EXOC3: variants seen among roughly 807,000 people sequenced by gnomAD.
EXOC3 encodes SEC6-like 1.
A neutral mutation model predicts 73.7 loss-of-function variants in EXOC3; 21 were observed. The observed-to-expected ratio is 0.29, with a 90% confidence interval of 0.20 to 0.41. The LOEUF (loss-of-function observed/expected upper bound fraction) is 0.41, where lower values mean the gene tolerates loss of function less well. Ranked by LOEUF, EXOC3 falls within the 10% of genes least tolerant of loss-of-function variation. The probability of loss-of-function intolerance (pLI) is 1.00; values close to 1 mark genes in which losing one functional copy is unlikely to be tolerated. For missense variants in EXOC3, 842 were observed against 985.1 expected, an observed-to-expected ratio of 0.85 and a Z score of 1.95; for synonymous variants, 410 against 389.1, an observed-to-expected ratio of 1.05 and a Z score of -0.63.
At chr5:458,653 T>C (rs544136473) in intron 6 of EXOC3, among the ~76,000 whole-genome samples, 2 of 152,212 alleles carry the variant, frequency 1.3e-5, no homozygotes, top group Non-Finnish European at 2.9e-5. Flanking sequence ...GGATTCACTT[T>C]CCAGTGTCCG....
intron 3 of EXOC3, among the ~76,000 whole-genome samples, chr5:452,115 A>G (rs1737676113): frequency 6.6e-6 from 1 of 152,166 alleles, no homozygotes; most frequent in Non-Finnish European, 1.5e-5. Context: ...TCTTCAAATA[A>G]TGTCTTGCCC....
intron 1 of EXOC3, 35 bp from the exon 2 acceptor site, chr5:446,115 A>C (rs1737497142): frequency 6.7e-7 from 1 of 1,484,460 alleles, no homozygotes; most frequent in East Asian, 2.3e-5. Flanking sequence ...GAGGTTTTGT[A>C]CCTAACATTT....
rs1411292668 is a variant in EXOC3, at chr5:447,719, G to T, written c.331G>T (p.Ala111Ser). 1 of 1,580,346 alleles carries T rather than the reference G, an allele frequency of 6.3e-7. No individual in the cohort carries two copies. Among genetic ancestry groups the T allele is most frequent in the Non-Finnish European group, 8.6e-7 (1 of 1,161,616 alleles). The part of the protein sequence containing the change: ...DAVVQHSQLA[A>S]AVENLKNIFS... ...CGTGGTGCAGCACAGCCAGCTCGCCGCAGCCGTGGAGAACCTCAAGAACAT... is the reference window on the plus strand; with the variant it reads ...CGTGGTGCAGCACAGCCAGCTCGCCTCAGCCGTGGAGAACCTCAAGAACAT... The change falls in exon 3 of 13, where the codon GCA becomes TCA. Residue 111 changes from alanine (A) to serine (S), a missense_variant. By Grantham distance (99) the Ala-to-Ser change is moderately conservative. Transcript: ENST00000512944.
chr5:454,411 G>A (rs1737744094), intron 4 of EXOC3, among the ~76,000 whole-genome samples: 1 of 152,230 alleles, frequency 6.6e-6, no homozygotes, highest in African/African-American at 2.4e-5. Context: ...TACAGGTGAG[G>A]ACACATGGTC....
chr5:447,621 C>T lies in EXOC3; in HGVS notation c.233C>T (p.Ser78Leu), dbSNP rs756837296. The change falls in exon 3 of 13, where the codon TCG (serine) becomes TTG (leucine). Residue 78 changes from serine (S) to leucine (L), a missense_variant. Transcript: ENST00000512944. ...AATGACGTCAAAGACATCCAGCAGT[C>T]GCTGGCAGACGTCAGCAAGGACTGG... ...ALNDVKDIQQ[S>L]LADVSKDWRQ... 1.8e-5 allele frequency: 28 copies of T among 1,583,598 alleles called. No individual in the cohort carries two copies. Among genetic ancestry groups the T allele is most frequent in the East Asian group, 2.3e-5 (1 of 42,984 alleles).
Position 450,220 on chromosome 5 carries a change from A to C in EXOC3, c.364+2468A>C, listed in dbSNP as rs143365392. On this transcript the variant is annotated intron_variant, in intron 3 of 12. Transcript: ENST00000512944. ...GAGATCGCACCACTGCACTCCAGCCAGGGGGACAAGAGCGAGACTTCATCT... is the reference window on the plus strand; with the variant it reads ...GAGATCGCACCACTGCACTCCAGCCCGGGGGACAAGAGCGAGACTTCATCT... Among the ~76,000 whole-genome samples, 1,124 of 152,350 alleles carry C rather than the reference A, an allele frequency of 7.4e-3. 14 individuals are homozygous for C. Among genetic ancestry groups the C allele is most frequent in the African/African-American group, 0.026 (1,074 of 41,580 alleles).
intron 7 of EXOC3, among the ~76,000 whole-genome samples, chr5:460,125 C>T (rs546007184): frequency 6.6e-6 from 1 of 152,192 alleles, no homozygotes; most frequent in Non-Finnish European, 1.5e-5. Context: ...GACACATGCA[C>T]GGTGACTCCG....
At chr5:456,684 C>A (rs1737825853) in intron 4 of EXOC3, among the ~76,000 whole-genome samples, 1 of 152,028 alleles carries the variant, frequency 6.6e-6, no homozygotes, top group South Asian at 2.1e-4. Context: ...CTCACGCAGT[C>A]TGGGAGCCAG....
intron 12 of EXOC3, chr5:466,141 T>A: frequency 3.0e-6 from 1 of 338,798 alleles, no homozygotes. Context: ...TGGGGAAGAT[T>A]TGGGCTGTGG....
At chr5:443,853 C>T (rs541727848) in intron 1 of EXOC3, among the ~76,000 whole-genome samples, 1 of 151,950 alleles carries the variant, frequency 6.6e-6, no homozygotes, top group Non-Finnish European at 1.5e-5. Context: ...TGTCCCCCCT[C>T]GGACCAGGTG....
chr5:465,666 C>A, intron 11 of EXOC3, 52 bp from the exon 12 acceptor site: 1 of 1,608,980 alleles, frequency 6.2e-7, no homozygotes, highest in Non-Finnish European at 8.5e-7. Flanking sequence ...CAGCTGCTCC[C>A]AGCGCCGCGG....
chr5:448,763 C>A (rs1243444959), intron 3 of EXOC3, among the ~76,000 whole-genome samples: 1 of 152,224 alleles, frequency 6.6e-6, no homozygotes, highest in African/African-American at 2.4e-5. Context: ...GCCCTCCTCT[C>A]GTGCTTGCGG....
chr5:461,838 G>A, intron 7 of EXOC3, 122 bp from the exon 8 acceptor site: 1 of 653,896 alleles, frequency 1.5e-6, no homozygotes, highest in Non-Finnish European at 2.7e-6. Context: ...TTTATTTTTA[G>A]AGGCTCATCC....
Position 467,182 on chromosome 5 carries a change from G to A in EXOC3, c.*284G>A, listed in dbSNP as rs1738177161. 9.5e-6 allele frequency: 4 copies of A among 420,430 alleles called. No individual in the cohort carries two copies. The highest frequency in any genetic ancestry group is 5.9e-5 in the African/African-American group (3 of 50,494). 26.0% of individuals were successfully genotyped at this position (420,430 alleles called of 1,614,324 possible). A position where few individuals can be genotyped will look rare whatever the true frequency, so the allele number is the denominator to read the frequency against. Reference sequence around the variant, plus strand: ...GGTTGAAAGTGTGTGGGGCACAGAGGACGTGCACCTCCCTGCCCTCCTCCT... The same window carrying A: ...GGTTGAAAGTGTGTGGGGCACAGAGAACGTGCACCTCCCTGCCCTCCTCCT... On this transcript the variant is annotated 3_prime_UTR_variant, in exon 13 of 13. Coordinates refer to ENST00000512944, the MANE Select transcript of EXOC3 (RefSeq NM_007277.5).
intron 1 of EXOC3, among the ~76,000 whole-genome samples, chr5:443,677 C>T (rs1400242721): frequency 6.6e-6 from 1 of 151,264 alleles, no homozygotes; most frequent in African/African-American, 2.4e-5. Flanking sequence ...TCCCTCCAGG[C>T]ACAAGTGTCC....
chr5:458,997 G>C (rs959705562), intron 6 of EXOC3, among the ~76,000 whole-genome samples: 1 of 152,336 alleles, frequency 6.6e-6, no homozygotes, highest in East Asian at 1.9e-4. Flanking sequence ...TCTGCATCAT[G>C]ACAGTCATGG....
At position 456,904 on chromosome 5, in the gene EXOC3, G is replaced by A. The variant is rs1444050361; in HGVS notation, c.1062G>A (p.Arg354=). The change falls in exon 5 of 13, where the codon AGG becomes AGA. Residue 354 remains arginine, a synonymous_variant. Coordinates refer to ENST00000512944, the MANE Select transcript of EXOC3 (RefSeq NM_007277.5). The stretch of plus-strand genomic sequence containing the variant: ...TCCCCCATAGTACTGAGATGATGAG[G>A]AACGTGGAGCTGGCCCCGGAAGTGG... ...LNTYTSTEMM[R]NVELAPEVDV... 1.9e-6 allele frequency: 3 copies of A among 1,613,768 alleles called. No individual in the cohort carries two copies. Among genetic ancestry groups the A allele is most frequent in the Non-Finnish European group, 2.5e-6 (3 of 1,179,632 alleles).
chr5:464,869 G>A (rs1392768183), intron 10 of EXOC3: 4 of 561,934 alleles, frequency 7.1e-6, no homozygotes, highest in East Asian at 3.0e-5. Context: ...GCACTGCCTC[G>A]CCCGCGTCTG....
chr5:443,892 G>T (rs1389291523), intron 1 of EXOC3, among the ~76,000 whole-genome samples: 1 of 151,896 alleles, frequency 6.6e-6, no homozygotes, highest in East Asian at 1.9e-4. Flanking sequence ...GTCCTTCTGG[G>T]CACAAGCGTC....
Sources: allele counts gnomAD v4.1 joint callset (sites outside exome capture counted in the v4.1 genomes callset), GRCh38; gene constraint gnomAD v4.1.1; transcripts MANE v1.5; gene names NCBI Gene and HGNC (gene_info 2026-07-23, HGNC 2026-07-21).